The following OCA2 variants were observed in gnomAD, a reference collection of about 807,000 sequenced individuals.
The protein encoded by OCA2 is P protein.
In OCA2, 77 loss-of-function variants were observed where a neutral mutation model predicts 100.2. The observed-to-expected ratio is 0.77, with a 90% CI of 0.64 to 0.93. The LOEUF (loss-of-function observed/expected upper bound fraction) is 0.93, where lower values mean the gene tolerates loss of function less well. OCA2 is among the 40% of genes least tolerant of loss of function. The pLI is 0.00. For missense variants in OCA2, 1,062 were observed against 1,089.1 expected (o/e 0.98, Z 0.35); for synonymous variants, 432 against 439.2 (o/e 0.98, Z 0.21).
At chr15:27,966,974 C>G (rs1171311632) in intron 14 of OCA2, 152 bp from the exon 15 acceptor site, 3 of 887,300 alleles carry the variant, frequency 3.4e-6, no homozygotes, top group Non-Finnish European at 5.3e-6. Context: ...CTAAAAAATA[C>G]AAAAAATTAA....
At chr15:28,066,840 A>G (rs2044039382) in intron 2 of OCA2, among the ~76,000 whole-genome samples, 1 of 152,166 alleles carries the variant, frequency 6.6e-6, no homozygotes, top group East Asian at 1.9e-4. Context: ...GGTCGCCACA[A>G]CCTTATCCTA....
Position 28,018,422 on chromosome 15 carries a change from C to A in OCA2, c.782G>T (p.Gly261Val), listed in dbSNP as rs754635524. The part of the protein sequence containing the change: ...VVELTQADAL[G>V]SRWRRPQQVT... The stretch of plus-strand genomic sequence containing the variant: ...CTGCTGTGGCCGCCGCCACCTGGAG[C>A]CCAAAGCGTCAGCCTGGGTCAGCTC... Residue 261 changes from glycine to valine, a missense_variant, in exon 7 of 24, where the codon GGC becomes GTC. Physicochemically the swap from Gly to Val is moderately radical, Grantham distance 109 (BLOSUM62 -3). Transcript: ENST00000354638. 3 of 1,614,132 alleles carry A rather than the reference C, an allele frequency of 1.9e-6. No individual in the cohort carries two copies. The South Asian group carries it at 3.3e-5, about 18-fold the overall frequency.
At chr15:27,791,798 T>C (rs1432557674) in intron 23 of OCA2, among the ~76,000 whole-genome samples, 1 of 152,216 alleles carries the variant, frequency 6.6e-6, no homozygotes, top group Non-Finnish European at 1.5e-5. Flanking sequence ...CGGGGTTGCT[T>C]TGGAAAACAC....
At chr15:28,084,745 GGCCA>G (rs1249211068) in intron 1 of OCA2, among the ~76,000 whole-genome samples, 1 of 152,132 alleles carries the variant, frequency 6.6e-6, no homozygotes, top group Non-Finnish European at 1.5e-5. Context: ...GCTGGCTGTG[GGCCA>G]GCAAGAAGTT....
At chr15:27,803,599 C>T (rs559766537) in intron 23 of OCA2, among the ~76,000 whole-genome samples, 3 of 152,192 alleles carry the variant, frequency 2.0e-5, no homozygotes, top group East Asian at 1.9e-4. Context: ...GTAGGGAGTT[C>T]GTGTTTAAGG....
At chr15:28,058,839 G>A (rs973806906) in intron 2 of OCA2, among the ~76,000 whole-genome samples, 2 of 152,156 alleles carry the variant, frequency 1.3e-5, no homozygotes, top group African/African-American at 4.8e-5. Context: ...CCAGTCCAGG[G>A]GGCAGGTGTG....
intron 9 of OCA2, among the ~76,000 whole-genome samples, chr15:28,005,216 G>T (rs919876661): frequency 2.0e-5 from 3 of 152,052 alleles, no homozygotes; most frequent in African/African-American, 7.2e-5. Flanking sequence ...TGATTCCATG[G>T]AAATGGCTGT....
intron 2 of OCA2, among the ~76,000 whole-genome samples, chr15:28,057,866 T>C (rs1160492984): frequency 1.3e-5 from 2 of 152,242 alleles, no homozygotes; most frequent in Non-Finnish European, 2.9e-5. Flanking sequence ...GAAAGTAAAC[T>C]GTCCAACAAG....
chr15:27,885,782 C>A (rs796426442), intron 19 of OCA2, among the ~76,000 whole-genome samples: 1 of 152,022 alleles, frequency 6.6e-6, no homozygotes, highest in Non-Finnish European at 1.5e-5. Flanking sequence ...TGTGGCAGCA[C>A]TGTCAGGACC....
chr15:27,973,199 C>A (rs183350380), intron 14 of OCA2, among the ~76,000 whole-genome samples: 3 of 152,200 alleles, frequency 2.0e-5, no homozygotes, highest in Admixed American at 1.3e-4. Context: ...AATTAGATCC[C>A]ATTTATTTTT....
intron 18 of OCA2, among the ~76,000 whole-genome samples, chr15:27,937,925 G>A (rs990393366): frequency 6.6e-6 from 1 of 152,180 alleles, no homozygotes; most frequent in Non-Finnish European, 1.5e-5. Flanking sequence ...GATAGTCAAA[G>A]TTATCAACCT....
chr15:28,075,578 T>G (rs1222331794), intron 2 of OCA2, among the ~76,000 whole-genome samples: 1 of 152,228 alleles, frequency 6.6e-6, no homozygotes, highest in African/African-American at 2.4e-5. Flanking sequence ...TAGGCATTTA[T>G]CCAAGGGAAA....
At chr15:28,021,027 C>T (rs1001110358) in intron 6 of OCA2, among the ~76,000 whole-genome samples, 1 of 152,160 alleles carries the variant, frequency 6.6e-6, no homozygotes, top group Non-Finnish European at 1.5e-5. Flanking sequence ...GAAAGCAAGC[C>T]AGTTTCCTAA....
chr15:27,817,837 G>A (rs142927091), intron 23 of OCA2, among the ~76,000 whole-genome samples: 7 of 152,094 alleles, frequency 4.6e-5, no homozygotes, highest in African/African-American at 1.2e-4. Context: ...AAGGGCCCAC[G>A]CTTTTACATA....
intron 23 of OCA2, among the ~76,000 whole-genome samples, chr15:27,829,511 G>A (rs74005243): frequency 0.028 from 4,312 of 152,276 alleles, 86 homozygotes; most frequent in African/African-American, 0.055. Context: ...CCTAGAACTT[G>A]TAGCACTAGA....
At chr15:27,938,458 T>G (rs919993090) in intron 18 of OCA2, among the ~76,000 whole-genome samples, 6 of 152,198 alleles carry the variant, frequency 3.9e-5, no homozygotes, top group Non-Finnish European at 8.8e-5. Flanking sequence ...CAAAAGTGTT[T>G]CAATGTATGC....
chr15:27,922,680 GGTGTGTGT>G (rs60426286), intron 19 of OCA2, among the ~76,000 whole-genome samples: 7,321 of 147,138 alleles, frequency 0.05, 328 homozygotes, highest in South Asian at 0.15. Context: ...TTTTGTTTGG[GGTGTGTGT>G]GTGTGTGTGT....
intron 9 of OCA2, among the ~76,000 whole-genome samples, chr15:27,999,212 T>C (rs1205941067): frequency 6.6e-6 from 1 of 152,106 alleles, no homozygotes; most frequent in Non-Finnish European, 1.5e-5. Flanking sequence ...GAAAAAATGC[T>C]CAACAAAATA....
the OCA2 span, among the ~76,000 whole-genome samples, chr15:27,737,668 T>A: frequency 2.0e-5 from 3 of 152,218 alleles, no homozygotes; most frequent in African/African-American, 7.2e-5. Context: ...GAAATTACCA[T>A]GTTTTGGGAG....
Sources: allele counts gnomAD v4.1 joint callset (sites outside exome capture counted in the v4.1 genomes callset), GRCh38; gene constraint gnomAD v4.1.1; transcripts MANE v1.5; gene names NCBI Gene and HGNC (gene_info 2026-07-23, HGNC 2026-07-21).